Variants in HAVCR1 observed in about 807,000 individuals in gnomAD.
The protein encoded by HAVCR1 is T cell immunoglobin domain and mucin domain protein 1.
Under a neutral mutation model 32.0 loss-of-function variants are expected in HAVCR1, and 34 were observed. That is an observed-to-expected ratio of 1.06 (90% CI 0.81 to 1.42). The LOEUF is 1.42. HAVCR1 is among the 40% of genes most tolerant of loss of function. The pLI, the probability that HAVCR1 is intolerant of heterozygous loss-of-function variation, is 0.00. For synonymous variants in HAVCR1, 178 were observed against 170.3 expected, an observed-to-expected ratio of 1.05 and a Z score of -0.35; for missense variants, 420 against 442.3, an observed-to-expected ratio of 0.95 and a Z score of 0.45.
At chr5:157,062,621 G>T (rs1358245662), upstream of HAVCR1, among the ~76,000 whole-genome samples, 1 of 151,930 alleles carries the variant, frequency 6.6e-6, no homozygotes, top group Non-Finnish European at 1.5e-5. Context: ...CTTTATATTA[G>T]GCCTCTATAA....
chr5:157,036,796 C>CAA (rs1246064280), intron 7 of HAVCR1, among the ~76,000 whole-genome samples: 1 of 152,040 alleles, frequency 6.6e-6, no homozygotes, highest in African/African-American at 2.4e-5. Flanking sequence ...CTCAGCCTCC[C>CAA]AAAGTGCTGG....
At chr5:157,057,593 CTA>C (rs911260270) in intron 2 of HAVCR1, among the ~76,000 whole-genome samples, 1 of 152,154 alleles carries the variant, frequency 6.6e-6, no homozygotes, top group Non-Finnish European at 1.5e-5. Context: ...ATACATGTGT[CTA>C]TGCATATACA....
chr5:157,059,272 A>T (rs1756407434), upstream of HAVCR1, among the ~76,000 whole-genome samples: 1 of 152,210 alleles, frequency 6.6e-6, no homozygotes, highest in African/African-American at 2.4e-5. Flanking sequence ...CTGGTCTAAG[A>T]ATTCAGTAAC....
intron 3 of HAVCR1, among the ~76,000 whole-genome samples, chr5:157,053,866 T>C (rs1755937463): frequency 6.7e-6 from 1 of 149,070 alleles, no homozygotes; most frequent in Admixed American, 6.7e-5. Flanking sequence ...AAAGACTCTG[T>C]CTCAAAAAAA....
In HAVCR1 at chr5:157,057,928, C is replaced by G; in HGVS notation, c.16G>C (p.Val6Leu). 2 of 1,613,716 alleles carry G rather than the reference C, an allele frequency of 1.2e-6. No individual in the cohort carries two copies. The highest frequency in any genetic ancestry group is 2.2e-5 in the South Asian group (2 of 91,064). The stretch of plus-strand genomic sequence containing the variant: ...AGATGTAGGATGAGGCTTAAGATGA[C>G]CACTTGAGGATGCATTATGGGATCA... MHPQV[V>L]ILSLILHLAD... Residue 6 changes from valine (V) to leucine (L), a missense_variant, in exon 2 of 9, where the codon GTC (valine) becomes CTC (leucine). Physicochemically the swap from Val to Leu is conservative, Grantham distance 32. Transcript: ENST00000523175.
At chr5:157,042,501 CT>C (rs940842440) in intron 6 of HAVCR1, 125 bp downstream of exon 6, 9 of 459,866 alleles carry the variant, frequency 2.0e-5, no homozygotes, top group Non-Finnish European at 3.2e-5. Context: ...TTTTCTTCAA[CT>C]TTTTTTTAAG....
intron 8 of HAVCR1, among the ~76,000 whole-genome samples, chr5:157,032,400 C>G (rs1206450827): frequency 6.6e-6 from 1 of 152,124 alleles, no homozygotes; most frequent in African/African-American, 2.4e-5. Flanking sequence ...TGTCTGTAAT[C>G]CCAGCTACTG....
chr5:157,064,627 G>A, the HAVCR1 span, among the ~76,000 whole-genome samples: 26 of 152,300 alleles, frequency 1.7e-4, no homozygotes, highest in African/African-American at 6.3e-4. Flanking sequence ...AACACCTTGG[G>A]AGGCCAAGGC....
chr5:157,035,576 C>T (rs1754476283), intron 7 of HAVCR1, among the ~76,000 whole-genome samples: 1 of 152,106 alleles, frequency 6.6e-6, no homozygotes. Context: ...TCATGTGCCT[C>T]TTCTGCTAAA....
chr5:157,048,074 A>C (rs534144070), intron 5 of HAVCR1, among the ~76,000 whole-genome samples: 2 of 152,322 alleles, frequency 1.3e-5, no homozygotes, highest in East Asian at 3.9e-4. Flanking sequence ...CAGAAAACCC[A>C]GTTTGGGAGT....
chr5:157,044,627 A>AAGAAAGAAAGAAAGAAAGAAAGAAAG, intron 5 of HAVCR1, among the ~76,000 whole-genome samples: 1 of 61,594 alleles, frequency 1.6e-5, no homozygotes, highest in East Asian at 5.1e-4. Context: ...GAAAGAAAGA[A>AAGAAAGAAAGAAAGAAAGAAAGAAAG]AGAAAGAAAG....
intron 5 of HAVCR1, 64 bp downstream of exon 5, chr5:157,048,974 A>C (rs1256710023): frequency 4.0e-5 from 38 of 956,866 alleles, no homozygotes; most frequent in Non-Finnish European, 6.5e-5. Context: ...GTGTGCTCTC[A>C]ACAAAGTCAA....
intron 5 of HAVCR1, 148 bp downstream of exon 5, chr5:157,048,890 G>T (rs1319958204): frequency 3.3e-6 from 2 of 603,380 alleles, no homozygotes; most frequent in Non-Finnish European, 6.1e-6. Context: ...TTCAGAAAGG[G>T]TAGATATTTG....
At chr5:157,060,728 A>G (rs886221245), upstream of HAVCR1, among the ~76,000 whole-genome samples, 9 of 152,134 alleles carry the variant, frequency 5.9e-5, no homozygotes, top group Non-Finnish European at 1.0e-4. Flanking sequence ...GAGATGTTAC[A>G]TAACTGTACA....
intron 5 of HAVCR1, among the ~76,000 whole-genome samples, chr5:157,047,289 C>T (rs550131313): frequency 9.2e-5 from 14 of 152,218 alleles, no homozygotes; most frequent in South Asian, 2.1e-4. Context: ...CGGTGGCTCA[C>T]GCCTGTAATC....
At chr5:157,068,432 T>G in the HAVCR1 span, among the ~76,000 whole-genome samples, 18 of 151,900 alleles carry the variant, frequency 1.2e-4, no homozygotes, top group Non-Finnish European at 2.4e-4. Context: ...AAAAAAATTT[T>G]TTTAATTAGC....
intron 5 of HAVCR1, among the ~76,000 whole-genome samples, chr5:157,045,606 G>A (rs1282142868): frequency 1.3e-5 from 2 of 152,064 alleles, no homozygotes; most frequent in African/African-American, 2.4e-5. Flanking sequence ...CCTCAATCTG[G>A]CAATAGCATT....
In HAVCR1 at chr5:157,055,355, T is replaced by C. The variant is rs749086471; in HGVS notation, c.225A>G (p.Thr75=). The part of the protein sequence containing the change: ...NGTHVTYRKD[T]RYKLLGDLSR... Reference sequence around the variant, plus strand: ...AAAGGTCCCCCAATAGCTTATAGCGTGTGTCCTTCCGATAGGTGACGTGGG... The same window carrying C: ...AAAGGTCCCCCAATAGCTTATAGCGCGTGTCCTTCCGATAGGTGACGTGGG... Residue 75 remains threonine, a synonymous_variant, in exon 3 of 9, where the codon ACA becomes ACG. Transcript: ENST00000523175. 6 of 1,613,842 alleles carry C rather than the reference T, an allele frequency of 3.7e-6. No homozygotes were observed. The Admixed American group carries it at 1.0e-4, about 27-fold the overall frequency.
chr5:157,045,245 T>C (rs1755320625), intron 5 of HAVCR1, among the ~76,000 whole-genome samples: 1 of 152,194 alleles, frequency 6.6e-6, no homozygotes, highest in African/African-American at 2.4e-5. Flanking sequence ...TTGAGGAATA[T>C]AGTTGACTGC....
Sources: gnomAD v4.1 joint callset for allele counts (sites outside exome capture counted in the v4.1 genomes callset) on GRCh38, gnomAD v4.1.1 for gene constraint, MANE v1.5 for transcripts, NCBI Gene and HGNC (gene_info 2026-07-23, HGNC 2026-07-21) for gene names.